Variants in B3GALT1 observed in about 807,000 individuals in gnomAD.
The protein encoded by B3GALT1 is UDP-Gal:betaGlcNAc beta 1,3-galactosyltransferase, polypeptide 1.
A neutral mutation model predicts 23.2 loss-of-function variants in B3GALT1; 10 were observed. That is an observed-to-expected ratio of 0.43 (90% CI 0.27 to 0.73). The LOEUF (loss-of-function observed/expected upper bound fraction) is 0.73, where lower values mean the gene tolerates loss of function less well. B3GALT1 is among the 30% of genes least tolerant of loss of function. The pLI is 0.21. For missense variants in B3GALT1, 299 were observed against 405.4 expected, an observed-to-expected ratio of 0.74 and a Z score of 2.25; for synonymous variants, 156 against 141.5, an observed-to-expected ratio of 1.10 and a Z score of -0.73.
chr2:167,426,962 A>G (rs1308220889), intron 1 of B3GALT1, among the ~76,000 whole-genome samples: 1 of 152,234 alleles, frequency 6.6e-6, no homozygotes, highest in Non-Finnish European at 1.5e-5. Flanking sequence ...ATTCAACCTA[A>G]ATGTTCCCCA....
intron 3 of B3GALT1, among the ~76,000 whole-genome samples, chr2:167,789,226 T>C (rs756765217): frequency 5.3e-5 from 8 of 152,224 alleles, no homozygotes; most frequent in Non-Finnish European, 1.0e-4. Context: ...CACCATGTCT[T>C]TGTGGCTTTG....
intron 1 of B3GALT1, among the ~76,000 whole-genome samples, chr2:167,413,514 C>T (rs916843456): frequency 5.3e-5 from 8 of 151,894 alleles, no homozygotes; most frequent in Admixed American, 2.6e-4. Flanking sequence ...CCTATTTTGT[C>T]AGTTAATCCT....
chr2:167,325,858 C>T (rs1000997152), intron 1 of B3GALT1, among the ~76,000 whole-genome samples: 2 of 151,862 alleles, frequency 1.3e-5, no homozygotes, highest in African/African-American at 4.8e-5. Flanking sequence ...GCTGGGCTTA[C>T]AGACGTTTGC....
intron 3 of B3GALT1, among the ~76,000 whole-genome samples, chr2:167,742,945 G>GTCACATGTA (rs1168488735): frequency 5.3e-5 from 8 of 152,018 alleles, no homozygotes; most frequent in African/African-American, 1.9e-4. Flanking sequence ...AAAAAAATGT[G>GTCACATGTA]TCACATGTAT....
At chr2:167,406,799 G>C (rs922456287) in intron 1 of B3GALT1, among the ~76,000 whole-genome samples, 1 of 152,150 alleles carries the variant, frequency 6.6e-6, no homozygotes, top group African/African-American at 2.4e-5. Context: ...ACATTCCACA[G>C]ATACAGATCC....
At chr2:167,396,518 A>G in intron 1 of B3GALT1, among the ~76,000 whole-genome samples, 1 of 61,202 alleles carries the variant, frequency 1.6e-5, no homozygotes, top group Non-Finnish European at 3.9e-5. Flanking sequence ...AAGTCTGCAA[A>G]TATATATATA....
At chr2:167,703,840 G>C (rs1240609381) in intron 3 of B3GALT1, among the ~76,000 whole-genome samples, 1 of 152,084 alleles carries the variant, frequency 6.6e-6, no homozygotes, top group Non-Finnish European at 1.5e-5. Flanking sequence ...GACTCCTACT[G>C]ACTGACCCCT....
At position 167,713,823 on chromosome 2, in the gene B3GALT1, C is replaced by T. The variant is rs1687100976; in HGVS notation, c.-352+66857C>T. On this transcript the variant is annotated intron_variant, in intron 3 of 4. Transcript: ENST00000392690. ...CTCTGTGGATAGATGTTTCTCATTGCAAATGGAGCATGTGGTGGACCTGGG... is the reference window on the plus strand; with the variant it reads ...CTCTGTGGATAGATGTTTCTCATTGTAAATGGAGCATGTGGTGGACCTGGG... 1.1e-5 allele frequency: 17 copies of T among 1,592,530 alleles called. 1 individual carries two copies. The highest frequency in any genetic ancestry group is 9.9e-5 in the South Asian group (9 of 90,656).
intron 1 of B3GALT1, among the ~76,000 whole-genome samples, chr2:167,476,011 A>G (rs898072147): frequency 7.2e-5 from 11 of 152,178 alleles, no homozygotes. Context: ...GACACCAGTC[A>G]TATTGGATTA....
rs564427938 is a variant in B3GALT1, at chr2:167,737,759, G to A, written c.-351-80913G>A. Among the ~76,000 whole-genome samples, 8 of 152,322 alleles carry A rather than the reference G, an allele frequency of 5.3e-5. No individual in the cohort carries two copies. In the South Asian group the frequency reaches 1.0e-3, roughly 20 times the overall value. On this transcript the variant is annotated intron_variant, in intron 3 of 4. Coordinates refer to ENST00000392690, the MANE Select transcript of B3GALT1 (RefSeq NM_020981.4). ...TTGTATTTCCTCATGAATCCAAGGA[G>A]TAGAGTCAGTGGAAGCTACATGTTA...
At chr2:167,327,278 T>C (rs1461555872) in intron 1 of B3GALT1, among the ~76,000 whole-genome samples, 1 of 152,114 alleles carries the variant, frequency 6.6e-6, no homozygotes, top group Non-Finnish European at 1.5e-5. Context: ...GTTTTTTCTC[T>C]TTCTGTGGAA....
intron 3 of B3GALT1, among the ~76,000 whole-genome samples, chr2:167,678,104 C>G (rs956090625): frequency 6.6e-6 from 1 of 152,098 alleles, no homozygotes; most frequent in African/African-American, 2.4e-5. Context: ...ATCCAATCAC[C>G]CAGGTAAATA....
At chr2:167,648,735 C>G (rs1685801319) in intron 3 of B3GALT1, among the ~76,000 whole-genome samples, 1 of 152,128 alleles carries the variant, frequency 6.6e-6, no homozygotes, top group Non-Finnish European at 1.5e-5. Flanking sequence ...ATGCCACCAA[C>G]TCATCCTCTT....
At chr2:167,431,466 T>C (rs1698702798) in intron 1 of B3GALT1, among the ~76,000 whole-genome samples, 1 of 152,238 alleles carries the variant, frequency 6.6e-6, no homozygotes, top group African/African-American at 2.4e-5. Flanking sequence ...GGGTTAACTT[T>C]TTCTATAAGA....
chr2:167,469,540 A>G (rs1699395288), intron 1 of B3GALT1, among the ~76,000 whole-genome samples: 1 of 152,214 alleles, frequency 6.6e-6, no homozygotes, highest in Admixed American at 6.5e-5. Context: ...CTTAAGTAGT[A>G]CATGTTAACA....
chr2:167,635,845 T>C (rs528906664), intron 2 of B3GALT1, among the ~76,000 whole-genome samples: 3 of 152,080 alleles, frequency 2.0e-5, no homozygotes, highest in Non-Finnish European at 2.9e-5. Flanking sequence ...AAAAAACTAC[T>C]TTAAATTTCA....
intron 2 of B3GALT1, among the ~76,000 whole-genome samples, chr2:167,521,333 C>T (rs1156762011): frequency 6.6e-6 from 1 of 152,062 alleles, no homozygotes; most frequent in Non-Finnish European, 1.5e-5. Context: ...TACATATTTT[C>T]CCTGATCTTC....
chr2:167,594,008 TA>T (rs1268005596), intron 2 of B3GALT1, among the ~76,000 whole-genome samples: 7 of 152,232 alleles, frequency 4.6e-5, no homozygotes, highest in African/African-American at 1.7e-4. Context: ...ATTCTGTACT[TA>T]CTTTGCTTTG....
chr2:167,325,702 C>CTTTTTTTTTTTTTTTTTT (rs61066636), intron 1 of B3GALT1, among the ~76,000 whole-genome samples: 1 of 110,566 alleles, frequency 9.0e-6, no homozygotes, highest in African/African-American at 3.3e-5. Flanking sequence ...ACCCTGTTTT[C>CTTTTTTTTTTTTTTTTTT]TTTTTTTTTT....
Sources: gnomAD v4.1 joint callset for allele counts (sites outside exome capture counted in the v4.1 genomes callset) on GRCh38, gnomAD v4.1.1 for gene constraint, MANE v1.5 for transcripts, NCBI Gene and HGNC (gene_info 2026-07-23, HGNC 2026-07-21) for gene names.